The following DRC7 variants were observed in gnomAD, a reference collection of about 807,000 sequenced individuals.
DRC7 encodes the protein coiled-coil domain containing 135.
In DRC7, 80 loss-of-function variants were observed where a neutral mutation model predicts 104.4. That is an observed-to-expected ratio of 0.77 (90% CI 0.64 to 0.92). The LOEUF is 0.92. Among genes scored for constraint, DRC7 ranks in the 40% least tolerant of loss-of-function variants. The pLI is 0.00. For synonymous variants in DRC7, 405 were observed against 447.3 expected (o/e 0.91, Z 1.19); for missense variants, 1,034 against 1,141.1 (o/e 0.91, Z 1.35).
Position 57,722,861 on chromosome 16 carries a change from A to G in DRC7, c.1408+20A>G. On this transcript the variant is annotated intron_variant, in intron 11 of 18. Coordinates refer to ENST00000360716, the MANE Select transcript of DRC7 (RefSeq NM_001289162.2). ...TGCAGTGTAAGGGGGATTGCTCTGG[A>G]CATGGGTCCAGGCCAGCCCAGGGGC... The G allele has an allele frequency of 2.5e-6, 4 of 1,613,504 alleles. No homozygotes were observed. Among genetic ancestry groups the G allele is most frequent in the Non-Finnish European group, 3.4e-6 (4 of 1,179,974 alleles).
chr16:57,729,199 T>C (rs2049015095), intron 17 of DRC7, among the ~76,000 whole-genome samples: 1 of 113,286 alleles, frequency 8.8e-6, no homozygotes, highest in Non-Finnish European at 1.7e-5. Context: ...AATGGATGGA[T>C]GGGTGGATGG....
intron 9 of DRC7, among the ~76,000 whole-genome samples, chr16:57,720,175 C>G (rs767153985): frequency 5.9e-5 from 9 of 152,124 alleles, no homozygotes; most frequent in Admixed American, 5.2e-4. Context: ...CCCATTTTAC[C>G]GATGGGAAGA....
chr16:57,724,543 G>C, intron 12 of DRC7, 72 bp from the exon 13 acceptor site: 1 of 1,160,826 alleles, frequency 8.6e-7, no homozygotes, highest in Non-Finnish European at 1.2e-6. Flanking sequence ...CTGGGGTTGG[G>C]CGACCAAGCC....
chr16:57,730,243 G>A (rs1228023799), intron 17 of DRC7, among the ~76,000 whole-genome samples: 1 of 142,782 alleles, frequency 7.0e-6, no homozygotes, highest in Non-Finnish European at 1.5e-5. Context: ...ATGAATGGAT[G>A]GGTGGATGAG....
intron 9 of DRC7, 102 bp from the exon 10 acceptor site, chr16:57,721,565 C>A: frequency 1.2e-6 from 1 of 837,658 alleles, no homozygotes; most frequent in Non-Finnish European, 1.9e-6. Flanking sequence ...GCCAACGGAC[C>A]ACCTTGGCTT....
intron 8 of DRC7, chr16:57,714,434 A>C (rs2048819913): frequency 6.3e-6 from 1 of 158,964 alleles, no homozygotes. Flanking sequence ...AAGCCTGGGC[A>C]ACAAAGTGAG....
intron 8 of DRC7, among the ~76,000 whole-genome samples, chr16:57,716,028 G>T (rs1388726096): frequency 7.2e-5 from 11 of 152,210 alleles, no homozygotes; most frequent in Non-Finnish European, 1.5e-4. Context: ...GTTGGAGGAG[G>T]ATGGCAAGGC....
chr16:57,703,967 CAAAAAAAAAA>C, intron 6 of DRC7, among the ~76,000 whole-genome samples: 1 of 64,380 alleles, frequency 1.6e-5, no homozygotes, highest in South Asian at 6.8e-4. Flanking sequence ...ACTCTGGCTC[CAAAAAAAAAA>C]AAAAAAAAAA....
chr16:57,727,677 C>G (rs2048988626), intron 16 of DRC7, among the ~76,000 whole-genome samples: 1 of 152,236 alleles, frequency 6.6e-6, no homozygotes, highest in Non-Finnish European at 1.5e-5. Context: ...TATGTGCCCA[C>G]CTCTACTCAG....
chr16:57,708,603 TGTTGGGTAACTACTGAGGGGTGGAATC>T (rs1442809131), intron 8 of DRC7, among the ~76,000 whole-genome samples: 1 of 152,206 alleles, frequency 6.6e-6, no homozygotes, highest in Non-Finnish European at 1.5e-5. Flanking sequence ...CACACATTTC[TGTTGGGTAACTACTGAGGGGTGGAATC>T]GCTGAGTCAC....
intron 8 of DRC7, among the ~76,000 whole-genome samples, chr16:57,713,456 T>A (rs2048809143): frequency 6.6e-6 from 1 of 152,246 alleles, no homozygotes. Context: ...GTCCTCATGA[T>A]GAATTAACCT....
chr16:57,699,836 T>C (rs1401805177), intron 4 of DRC7, among the ~76,000 whole-genome samples: 14 of 152,080 alleles, frequency 9.2e-5, no homozygotes, highest in African/African-American at 3.4e-4. Flanking sequence ...GCCCTAGGGG[T>C]TGAAGGCGGC....
At chr16:57,719,601 C>T (rs1474326749) in intron 9 of DRC7, among the ~76,000 whole-genome samples, 1 of 152,172 alleles carries the variant, frequency 6.6e-6, no homozygotes, top group Non-Finnish European at 1.5e-5. Context: ...CCTCGAACTC[C>T]TGGGCTCAAA....
intron 7 of DRC7, 57 bp downstream of exon 7, chr16:57,705,091 A>T: frequency 6.4e-7 from 1 of 1,564,324 alleles, no homozygotes; most frequent in Non-Finnish European, 8.7e-7. Context: ...ACTGCTAGGG[A>T]TGGGAAAAGA....
chr16:57,730,182 A>C (rs1333323848), intron 17 of DRC7, among the ~76,000 whole-genome samples: 2 of 114,012 alleles, frequency 1.8e-5, no homozygotes, highest in Non-Finnish European at 3.5e-5. Flanking sequence ...GGTGGATGGA[A>C]GAGTGGGTGA....
At position 57,729,683 on chromosome 16, in the gene DRC7, GTGGATGGA is replaced by G. The variant is rs1188089377; in HGVS notation, c.2391+1118_2391+1125del. ...GATGGATGAATGGATGGGTGGGTGG[GTGGATGGA>G]TGGATGGATGGATGGATGATGGATG... On this transcript the variant is annotated intron_variant, in intron 17 of 18. Transcript: ENST00000360716. Among the ~76,000 whole-genome samples the G allele has an allele frequency of 3.6e-3, 190 of 53,280 alleles. 8 individuals carry two copies. Among genetic ancestry groups the G allele is most frequent in the African/African-American group, 0.035 (172 of 4,848 alleles). 35.0% of individuals were successfully genotyped at this position (53,280 alleles called of 152,430 possible).
rs1342955589 is a variant in DRC7, at chr16:57,704,863, T to C, written c.700-13T>C. The C allele has an allele frequency of 1.2e-6, 2 of 1,612,780 alleles. No individual in the cohort carries two copies. Among genetic ancestry groups the C allele is most frequent in the African/African-American group, 1.3e-5 (1 of 74,880 alleles). On this transcript the variant is annotated splice_polypyrimidine_tract_variant and intron_variant, in intron 6 of 18. Transcript: ENST00000360716. ...GCAGGGCCACTGACCCTTCCTCTTC[T>C]TTTGGGTGACAGACCATCAAGAAGG...
intron 9 of DRC7, among the ~76,000 whole-genome samples, chr16:57,720,273 C>A (rs1293810098): frequency 6.6e-6 from 1 of 152,210 alleles, no homozygotes; most frequent in African/African-American, 2.4e-5. Context: ...CAGTCTGGCT[C>A]CACAGTCTGG....
At position 57,698,970 on chromosome 16, in the gene DRC7, G is replaced by A. The variant is rs755748265; in HGVS notation, c.324G>A (p.Leu108=). ...ADNFSRQYSH[L]CPDRVPLFLH... ...ACTTCTCCCGCCAGTACAGCCATCT[G>A]TGCCCGGACCGCGTGCCCCTCTTCC... The change falls in exon 4 of 19, where the codon CTG becomes CTA. Residue 108 remains leucine, a synonymous_variant. Transcript: ENST00000360716. The A allele has an allele frequency of 6.2e-7, 1 of 1,614,250 alleles. No individual in the cohort carries two copies. The highest frequency in any genetic ancestry group is 1.3e-5 in the African/African-American group (1 of 75,076).
Sources: gnomAD v4.1 joint callset for allele counts (sites outside exome capture counted in the v4.1 genomes callset) on GRCh38, gnomAD v4.1.1 for gene constraint, MANE v1.5 for transcripts, NCBI Gene and HGNC (gene_info 2026-07-23, HGNC 2026-07-21) for gene names.